GPATCH1: variants seen among roughly 807,000 people sequenced by gnomAD.
GPATCH1 encodes G patch domain-containing protein 1.
GPATCH1 carries 73 observed loss-of-function variants against 114.9 expected under a neutral mutation model. That is an observed-to-expected ratio of 0.64 (90% confidence interval 0.53 to 0.77). The LOEUF is 0.77. Ranked by LOEUF, GPATCH1 falls within the 30% of genes least tolerant of loss-of-function variation. The pLI, the probability that GPATCH1 is intolerant of heterozygous loss-of-function variation, is 0.00. For synonymous variants in GPATCH1, 391 were observed against 428.4 expected, an observed-to-expected ratio of 0.91 and a Z score of 1.08; for missense variants, 1,058 against 1,144.3, an observed-to-expected ratio of 0.92 and a Z score of 1.09.
Position 33,096,353 on chromosome 19 carries a change from A to T in GPATCH1, c.759A>T (p.Glu253Asp). ...AGGCACTGTTTGGAACTTCGGGAGA[A>T]CATTTTAATCTTTTCAGTGGTGGTT... Reference protein sequence around the residue: ...PHQALFGTSGEHFNLFSGGSE... With the variant: ...PHQALFGTSGDHFNLFSGGSE... Residue 253 changes from glutamate to aspartate, a missense_variant, in exon 7 of 20, where the codon GAA becomes GAT. Glu to Asp is a conservative substitution (Grantham distance 45). Around this residue, in one of 3 missense-constraint regions of GPATCH1, gnomAD observed 893 missense variants for 977.4 expected, o/e 0.91. Transcript: ENST00000170564. The T allele has an allele frequency of 6.2e-7, 1 of 1,614,160 alleles. No individual in the cohort carries two copies. The highest frequency in any genetic ancestry group is 1.1e-5 in the South Asian group (1 of 91,082).
intron 8 of GPATCH1, among the ~76,000 whole-genome samples, chr19:33,100,022 C>T (rs1184479820): frequency 2.0e-5 from 3 of 151,910 alleles, no homozygotes; most frequent in African/African-American, 7.3e-5. Context: ...CCGCCCGCCT[C>T]GGCCTCCCAG....
At chr19:33,108,213 T>C (rs928619939) in intron 10 of GPATCH1, among the ~76,000 whole-genome samples, 2 of 152,136 alleles carry the variant, frequency 1.3e-5, no homozygotes, top group Admixed American at 6.5e-5. Flanking sequence ...CCTTGTTTCC[T>C]GTCCATCTCC....
chr19:33,122,619 G>A (rs535330391), intron 17 of GPATCH1, among the ~76,000 whole-genome samples: 16 of 152,164 alleles, frequency 1.1e-4, no homozygotes, highest in Admixed American at 6.5e-4. Flanking sequence ...CACCACGCCC[G>A]GCCGGCTCTT....
intron 15 of GPATCH1, among the ~76,000 whole-genome samples, chr19:33,116,655 G>A (rs1972919041): frequency 1.3e-5 from 2 of 152,022 alleles, no homozygotes; most frequent in African/African-American, 2.4e-5. Context: ...TCAGCCTCCC[G>A]AGTAGCTGGG....
Position 33,114,241 on chromosome 19 carries a change from C to T in GPATCH1, c.2030-12C>T. On this transcript the variant is annotated splice_polypyrimidine_tract_variant and intron_variant, in intron 14 of 19. Coordinates refer to ENST00000170564, the MANE Select transcript of GPATCH1 (RefSeq NM_018025.3). The stretch of plus-strand genomic sequence containing the variant: ...CTAATGCTGGAGTTTATATCTATGT[C>T]CTGCCTTTCAGAATCAAGAAAACCA... The T allele has an allele frequency of 1.2e-6, 2 of 1,603,748 alleles. No individual in the cohort carries two copies. Among genetic ancestry groups the T allele is most frequent in the Admixed American group, 1.7e-5 (1 of 57,678 alleles).
chr19:33,125,394 G>GC (rs936144624), intron 18 of GPATCH1, among the ~76,000 whole-genome samples, 192 bp downstream of exon 18: 28 of 150,728 alleles, frequency 1.9e-4, no homozygotes, highest in African/African-American at 4.4e-4. Flanking sequence ...GCACTTAAAC[G>GC]CCCCCCCGCT....
At position 33,110,001 on chromosome 19, in the gene GPATCH1, A is replaced by G. The variant is rs1164874535; in HGVS notation, c.1570A>G (p.Lys524Glu). Residue 524 changes from lysine (K) to glutamate (E), a missense_variant, in exon 11 of 20, where the codon AAA (lysine) becomes GAA (glutamate). By Grantham distance (56) the Lys-to-Glu change is moderately conservative. Coordinates refer to ENST00000170564, the MANE Select transcript of GPATCH1 (RefSeq NM_018025.3). ...KRYDEFLVHM[K>E]QGQKDALERC... Reference sequence around the variant, plus strand: ...ATACGACGAGTTCTTAGTACACATGAAACAGGGTCAGAAAGGTGGGTGCTG... The same window carrying G: ...ATACGACGAGTTCTTAGTACACATGGAACAGGGTCAGAAAGGTGGGTGCTG... 1.2e-6 allele frequency: 2 copies of G among 1,608,140 alleles called. No homozygotes were observed. Among genetic ancestry groups the G allele is most frequent in the Non-Finnish European group, 1.7e-6 (2 of 1,176,300 alleles).
At chr19:33,121,608 C>T (rs891815116) in intron 17 of GPATCH1, among the ~76,000 whole-genome samples, 3 of 152,214 alleles carry the variant, frequency 2.0e-5, no homozygotes, top group Middle Eastern at 3.4e-3. Context: ...CGTGAGCCAC[C>T]GCACCCGGCC....
chr19:33,113,684 G>A (rs1261073406), intron 13 of GPATCH1, 83 bp from the exon 14 acceptor site: 3 of 1,249,574 alleles, frequency 2.4e-6, no homozygotes, highest in Non-Finnish European at 3.5e-6. Context: ...AGAAGAGGTG[G>A]AAAACTTGAG....
In GPATCH1 at chr19:33,127,975, C is replaced by CT. The variant is rs1478703194; in HGVS notation, c.2765+1243dup. On this transcript the variant is annotated intron_variant, in intron 19 of 19. Transcript: ENST00000170564. ...TCAGGTGATACACCCACCTTGGCCT[C>CT]TGAGTGCCAGGATTACAGGTGTGAA... 4.6e-5 allele frequency among the ~76,000 whole-genome samples: 7 copies of CT among 152,316 alleles called. No individual in the cohort carries two copies. The South Asian group carries it at 1.0e-3, about 23-fold the overall frequency.
intron 2 of GPATCH1, 57 bp downstream of exon 2, chr19:33,088,325 A>G: frequency 8.2e-7 from 1 of 1,213,402 alleles, no homozygotes; most frequent in Non-Finnish European, 1.2e-6. Flanking sequence ...CAAAATATTG[A>G]TTCTCCCTCA....
chr19:33,090,414 G>C (rs1285899808), intron 2 of GPATCH1, among the ~76,000 whole-genome samples: 1 of 152,172 alleles, frequency 6.6e-6, no homozygotes, highest in Non-Finnish European at 1.5e-5. Flanking sequence ...CATTTCTTTA[G>C]ATATGTTAAT....
chr19:33,100,611 C>T (rs1421859974), intron 8 of GPATCH1, among the ~76,000 whole-genome samples: 2 of 143,210 alleles, frequency 1.4e-5, no homozygotes, highest in Non-Finnish European at 3.0e-5. Flanking sequence ...AAAAAAAAAG[C>T]CCAACAGGAG....
chr19:33,115,645 C>T (rs953496701), intron 15 of GPATCH1, among the ~76,000 whole-genome samples: 1 of 152,026 alleles, frequency 6.6e-6, no homozygotes, highest in Admixed American at 6.6e-5. Context: ...CAGGCAGGCA[C>T]CACCATGCCT....
intron 19 of GPATCH1, among the ~76,000 whole-genome samples, chr19:33,129,839 G>A (rs1251492316): frequency 1.3e-5 from 2 of 152,012 alleles, no homozygotes; most frequent in African/African-American, 4.8e-5. Flanking sequence ...AGCTACTCTG[G>A]AGGCTGAGGC....
chr19:33,088,115 T>G lies in GPATCH1; in HGVS notation c.74-19T>G. On this transcript the variant is annotated intron_variant, in intron 1 of 19. Coordinates refer to ENST00000170564, the MANE Select transcript of GPATCH1 (RefSeq NM_018025.3). Reference sequence around the variant, plus strand: ...CCTCTCTTTTTCATTTAAAAAACTTTTTTTTTTTTTTTTTTTAGGTGAAAG... The same window carrying G: ...CCTCTCTTTTTCATTTAAAAAACTTGTTTTTTTTTTTTTTTTAGGTGAAAG... 8.2e-6 allele frequency: 6 copies of G among 733,362 alleles called. No homozygotes were observed. The highest frequency in any genetic ancestry group is 1.1e-5 in the Non-Finnish European group (6 of 566,138). 45.4% of individuals were successfully genotyped at this position (733,362 alleles called of 1,614,324 possible).
intron 1 of GPATCH1, among the ~76,000 whole-genome samples, chr19:33,084,012 G>A (rs1045677766): frequency 7.2e-5 from 11 of 151,790 alleles, no homozygotes; most frequent in African/African-American, 2.7e-4. Context: ...GTTTTACCAC[G>A]TTGGCCAGGC....
At position 33,130,263 on chromosome 19, in the gene GPATCH1, T is replaced by A; in HGVS notation, c.*103T>A. The A allele has an allele frequency of 1.4e-6, 1 of 703,582 alleles. No individual in the cohort carries two copies. The allele number at this position is 703,582 out of a possible 1,614,324, so 43.6% of individuals were successfully genotyped here. A position where few individuals can be genotyped will look rare whatever the true frequency, so the allele number is the denominator to read the frequency against. Reference sequence around the variant, plus strand: ...GTACAGAGTGTATTTATATGTAAATTCCTGCTGTAAAATAATTTTTAAAAC... The same window carrying A: ...GTACAGAGTGTATTTATATGTAAATACCTGCTGTAAAATAATTTTTAAAAC... On this transcript the variant is annotated 3_prime_UTR_variant, in exon 20 of 20. Coordinates refer to ENST00000170564, the MANE Select transcript of GPATCH1 (RefSeq NM_018025.3).
At chr19:33,122,732 T>C (rs1599867176) in intron 17 of GPATCH1, among the ~76,000 whole-genome samples, 2 of 152,156 alleles carry the variant, frequency 1.3e-5, no homozygotes, top group African/African-American at 4.8e-5. Flanking sequence ...GGTCTATGGG[T>C]TATTTAGGGA....
Sources: gnomAD v4.1 joint callset for allele counts (sites outside exome capture counted in the v4.1 genomes callset) on GRCh38, gnomAD v4.1.1 for gene constraint, gnomAD v4.1.1 regional missense constraint, MANE v1.5 for transcripts, NCBI Gene and HGNC (gene_info 2026-07-23, HGNC 2026-07-21) for gene names.